Variants in TXNL4A observed in about 807,000 individuals in gnomAD.
TXNL4A encodes the protein thioredoxin-like protein 4A.
TXNL4A carries 17 observed loss-of-function variants against 14.6 expected under a neutral mutation model. The ratio of observed to expected loss-of-function variants is 1.16; its 90% CI spans 0.80 to 1.74. The LOEUF (loss-of-function observed/expected upper bound fraction) is 1.74, where lower values mean the gene tolerates loss of function less well. Ranked by LOEUF, TXNL4A falls within the 40% of genes most tolerant of loss-of-function variation. TXNL4A has a pLI of 0.00. For missense variants in TXNL4A, 74 were observed against 195.2 expected (o/e 0.38, Z 3.70); for synonymous variants, 83 against 70.6 (o/e 1.18, Z -0.88).
At chr18:79,999,847 C>G (rs1227845559) in intron 1 of TXNL4A, among the ~76,000 whole-genome samples, 1 of 152,192 alleles carries the variant, frequency 6.6e-6, no homozygotes. Context: ...CAGTTTCCCT[C>G]ATGCTGTTCT....
chr18:80,001,151 A>G (rs1267765287), intron 1 of TXNL4A, among the ~76,000 whole-genome samples: 1 of 152,216 alleles, frequency 6.6e-6, no homozygotes, highest in Non-Finnish European at 1.5e-5. Context: ...AAAGGGGCCA[A>G]GGTATAGCTT....
At chr18:80,013,123 T>C (rs535158929) in intron 1 of TXNL4A, among the ~76,000 whole-genome samples, 2 of 37,608 alleles carry the variant, frequency 5.3e-5, no homozygotes, top group African/African-American at 1.4e-4. Flanking sequence ...AAAAAAAAAA[T>C]TTTTTTTTTT....
intron 1 of TXNL4A, among the ~76,000 whole-genome samples, chr18:79,999,082 C>T (rs2051681743): frequency 6.6e-6 from 1 of 152,278 alleles, no homozygotes; most frequent in African/African-American, 2.4e-5. Flanking sequence ...ACTGCCCTGA[C>T]CCGAGCTTGT....
upstream of TXNL4A, among the ~76,000 whole-genome samples, chr18:79,993,355 C>T (rs1362115616): frequency 1.3e-5 from 2 of 151,920 alleles, no homozygotes; most frequent in Non-Finnish European, 2.9e-5. The surrounding 1 kb of genome is among the most constrained non-coding windows in gnomAD (Gnocchi z 4.4). Context: ...CCTGGAATTT[C>T]CACTCACTTC....
chr18:80,016,386 T>A (rs11504776), intron 1 of TXNL4A, among the ~76,000 whole-genome samples: 70,449 of 150,444 alleles, frequency 0.47, 17,015 homozygotes, highest in East Asian at 0.74. Flanking sequence ...ATTTGTCAAT[T>A]TTGGCTTTTG....
intron 1 of TXNL4A, among the ~76,000 whole-genome samples, chr18:80,002,570 A>G (rs2051704838): frequency 1.3e-5 from 2 of 152,252 alleles, no homozygotes; most frequent in African/African-American, 4.8e-5. Flanking sequence ...TTACTCAGCC[A>G]TTAATTTTGC....
At chr18:79,991,792 A>C (rs761872183), upstream of TXNL4A, among the ~76,000 whole-genome samples, 30 of 152,230 alleles carry the variant, frequency 2.0e-4, no homozygotes, top group Non-Finnish European at 4.3e-4. Flanking sequence ...AACCCCAAAA[A>C]TCTGAGACAG....
chr18:79,987,854 AC>A (rs1201134957), intron 1 of TXNL4A, among the ~76,000 whole-genome samples: 4 of 152,250 alleles, frequency 2.6e-5, no homozygotes, highest in African/African-American at 9.6e-5. Context: ...TATGCATACA[AC>A]GAATAACTCA....
At chr18:79,985,284 C>T (rs1240199843) in intron 1 of TXNL4A, among the ~76,000 whole-genome samples, 3 of 152,106 alleles carry the variant, frequency 2.0e-5, no homozygotes, top group African/African-American at 7.2e-5. Context: ...GAGACAGGGT[C>T]TCGCTCTGTC....
chr18:79,978,007 C>T (rs1045161193), intron 1 of TXNL4A: 3 of 312,558 alleles, frequency 9.6e-6, no homozygotes, highest in Admixed American at 4.7e-5. Context: ...AACATTTTTT[C>T]CCAGTGCAGC....
chr18:79,983,956 T>C (rs112460254), intron 1 of TXNL4A, among the ~76,000 whole-genome samples: 2 of 148,544 alleles, frequency 1.3e-5, no homozygotes, highest in Non-Finnish European at 3.0e-5. Flanking sequence ...TCAACACCAC[T>C]CCTCATACCT....
At chr18:80,015,093 A>G (rs2051798036) in intron 1 of TXNL4A, among the ~76,000 whole-genome samples, 2 of 152,210 alleles carry the variant, frequency 1.3e-5, no homozygotes, top group South Asian at 2.1e-4. Flanking sequence ...CCAGCCCACA[A>G]AAACATTTTT....
chr18:80,031,563 C>G (rs1019290510), intron 1 of TXNL4A, among the ~76,000 whole-genome samples: 1 of 152,168 alleles, frequency 6.6e-6, no homozygotes, highest in African/African-American at 2.4e-5. Flanking sequence ...CTTTGTACCA[C>G]AGATAGCTAT....
chr18:80,031,138 G>C (rs1184577533), intron 1 of TXNL4A, among the ~76,000 whole-genome samples: 1 of 152,146 alleles, frequency 6.6e-6, no homozygotes, highest in African/African-American at 2.4e-5. Context: ...TGCAAACTTG[G>C]GATGGATTTA....
chr18:79,973,794 T>A lies in TXNL4A; in HGVS notation c.320A>T (p.Glu107Val). 1.2e-6 allele frequency: 2 copies of A among 1,614,162 alleles called. No individual in the cohort carries two copies. Among genetic ancestry groups the A allele is most frequent in the Non-Finnish European group, 1.7e-6 (2 of 1,180,032 alleles). ...GATGTCCACCATCTCCTGCTTGTCC[T>A]CCATGGCCCAGTTAATCTTGTTGTT... ...GNNNKINWAMEDKQEMVDIIE... is the reference protein window; with the variant it reads ...GNNNKINWAMVDKQEMVDIIE... The change falls in exon 3 of 3, where the codon GAG becomes GTG. Residue 107 changes from glutamate (E) to valine (V), a missense_variant. Transcript: ENST00000269601.
rs1234061980 is a variant in TXNL4A at position 79,988,387 on chromosome 18, C to G, written c.6G>C (p.Ser2=). 3.4e-6 allele frequency: 5 copies of G among 1,486,358 alleles called. No homozygotes were observed. The East Asian group carries it at 1.1e-4, about 32-fold the overall frequency. 92.1% of individuals were successfully genotyped at this position (1,486,358 alleles called of 1,614,324 possible). M[S]YMLPHLHNGW... ...CGTTGTGCAGGTGCGGGAGCATGTA[C>G]GACATGGCGGCCCGCGCGCTCGCCG... Residue 2 remains serine, a synonymous_variant, in exon 1 of 3, where the codon TCG becomes TCC. Transcript: ENST00000269601.
chr18:80,033,091 G>A (rs753539950), intron 1 of TXNL4A, among the ~76,000 whole-genome samples: 1 of 152,162 alleles, frequency 6.6e-6, no homozygotes, highest in Non-Finnish European at 1.5e-5. Flanking sequence ...TCTCCTGGGT[G>A]CGTCCTTAAC....
chr18:80,016,452 A>C, intron 1 of TXNL4A, among the ~76,000 whole-genome samples: 1 of 151,104 alleles, frequency 6.6e-6, no homozygotes, highest in Non-Finnish European at 1.5e-5. Context: ...CTATGTCCTG[A>C]ATGGTAATGC....
chr18:80,001,909 G>A (rs951391502), intron 1 of TXNL4A, among the ~76,000 whole-genome samples: 2 of 152,304 alleles, frequency 1.3e-5, no homozygotes, highest in East Asian at 1.9e-4. Context: ...GGACTGTTGG[G>A]AAGGCATTAT....
Sources: gnomAD v4.1 joint callset for allele counts (sites outside exome capture counted in the v4.1 genomes callset) on GRCh38, gnomAD v4.1.1 for gene constraint, Gnocchi (gnomAD v3.1) non-coding constraint, MANE v1.5 for transcripts, NCBI Gene and HGNC (gene_info 2026-07-23, HGNC 2026-07-21) for gene names.